The following GAL3ST4 variants were observed in gnomAD, a reference collection of about 807,000 sequenced individuals.
GAL3ST4 encodes the protein beta-galactose-3-O-sulfotransferase 4.
A neutral mutation model predicts 31.6 loss-of-function variants in GAL3ST4; 30 were observed. That is an observed-to-expected ratio of 0.95 (90% confidence interval 0.71 to 1.29). GAL3ST4 has a LOEUF of 1.29. GAL3ST4 is among the 50% of genes most tolerant of loss of function. The pLI, the probability that GAL3ST4 is intolerant of heterozygous loss-of-function variation, is 0.00. For synonymous variants in GAL3ST4, 248 were observed against 256.9 expected (o/e 0.97, Z 0.33); for missense variants, 629 against 625.2 (o/e 1.01, Z -0.06).
chr7:100,166,949 T>A, intron 2 of GAL3ST4, 22 bp downstream of exon 2: 1 of 1,590,004 alleles, frequency 6.3e-7, no homozygotes, highest in Non-Finnish European at 8.6e-7. Flanking sequence ...CTAGAAGGAG[T>A]TGGGGCAAAG....
chr7:100,168,269 C>G lies in GAL3ST4; in HGVS notation c.-189+277G>C, dbSNP rs1406223427. On this transcript the variant is annotated intron_variant, in intron 1 of 3. Transcript: ENST00000360039. This position sits in a 1 kb window ranked among gnomAD's most constrained non-coding sequence, Gnocchi z 4.1. ...TAACCCCAAGCAGAGAGAAGCCACA[C>G]TTTTACTCCCGGAGACCTGCCCTCT... The G allele has an allele frequency of 6.6e-6, 1 of 152,406 alleles. No individual in the cohort carries two copies. The highest frequency in any genetic ancestry group is 1.5e-5 in the Non-Finnish European group (1 of 68,206). 9.4% of individuals were successfully genotyped at this position (152,406 alleles called of 1,614,324 possible).
chr7:100,163,751 C>T (rs180696347), intron 3 of GAL3ST4, among the ~76,000 whole-genome samples: 98 of 151,996 alleles, frequency 6.4e-4, no homozygotes, highest in Middle Eastern at 3.4e-3. Flanking sequence ...CCCAGATTGG[C>T]GTTGAACTCC....
Position 100,160,893 on chromosome 7 carries a change from G to C in GAL3ST4, c.496C>G (p.Arg166Gly). 1 of 1,614,048 alleles carries C rather than the reference G, an allele frequency of 6.2e-7. No homozygotes were observed. The highest frequency in any genetic ancestry group is 8.5e-7 in the Non-Finnish European group (1 of 1,179,982). The change falls in exon 4 of 4, where the codon CGC becomes GGC. Residue 166 changes from arginine to glycine, a missense_variant. Coordinates refer to ENST00000360039, the MANE Select transcript of GAL3ST4 (RefSeq NM_024637.5). ...SIVRDPAALARSAFSYYKSTS... is the reference protein window; with the variant it reads ...SIVRDPAALAGSAFSYYKSTS... ...GATTTATAGTAGGAGAAGGCAGAGC[G>C]AGCCAGAGCCGCTGGGTCTCGGACA...
intron 3 of GAL3ST4, among the ~76,000 whole-genome samples, chr7:100,164,607 T>C (rs1799045861): frequency 1.3e-5 from 2 of 151,906 alleles, no homozygotes; most frequent in Admixed American, 1.3e-4. Flanking sequence ...TGCAGTGAGC[T>C]GAGATCGTGC....
rs1314584961 is a variant in GAL3ST4, at chr7:100,160,917, C to A, written c.472G>T (p.Val158Phe). ...CGAGCCAGAGCCGCTGGGTCTCGGACAATGGAAAAAAAGAAGCTGTCAGAA... is the reference window on the plus strand; with the variant it reads ...CGAGCCAGAGCCGCTGGGTCTCGGAAAATGGAAAAAAAGAAGCTGTCAGAA... ...MPSDSFFFSI[V>F]RDPAALARSA... The change falls in exon 4 of 4, where the codon GTC becomes TTC. Residue 158 changes from valine (V) to phenylalanine (F), a missense_variant. By Grantham distance (50) the Val-to-Phe change is conservative (BLOSUM62 -1). Transcript: ENST00000360039. 1.2e-6 allele frequency: 2 copies of A among 1,604,618 alleles called. No individual in the cohort carries two copies. Among genetic ancestry groups the A allele is most frequent in the Non-Finnish European group, 8.5e-7 (1 of 1,176,724 alleles).
chr7:100,164,932 T>G (rs1252547460), intron 3 of GAL3ST4, among the ~76,000 whole-genome samples: 2 of 151,068 alleles, frequency 1.3e-5, no homozygotes, highest in Admixed American at 1.3e-4. Flanking sequence ...TGGAGTGCAG[T>G]GGCACGATCT....
At position 100,167,282 on chromosome 7, in the gene GAL3ST4, G is replaced by T; in HGVS notation, c.-187C>A. ...TTAGCAGATTTTTGCCTCTGTCAGC[G>T]TCTAGAAGGGAAATGAGGGGGGAAG... On this transcript the variant is annotated splice_region_variant and 5_prime_UTR_variant, in exon 2 of 4. Coordinates refer to ENST00000360039, the MANE Select transcript of GAL3ST4 (RefSeq NM_024637.5). The T allele has an allele frequency of 7.2e-7, 1 of 1,394,976 alleles. No individual in the cohort carries two copies. The highest frequency in any genetic ancestry group is 9.5e-7 in the Non-Finnish European group (1 of 1,052,728). The allele number at this position is 1,394,976 out of a possible 1,614,324, so 86.4% of individuals were successfully genotyped here. A position where few individuals can be genotyped will look rare whatever the true frequency, so the allele number is the denominator to read the frequency against.
chr7:100,159,400 G>C lies in GAL3ST4; in HGVS notation c.*528C>G, dbSNP rs1348446971. ...ATCTTTTGCCCCTCTAGGGAGCTTC[G>C]GTGATGTGGATCTGCCTTGGGGCAG... On this transcript the variant is annotated 3_prime_UTR_variant, in exon 4 of 4. Coordinates refer to ENST00000360039, the MANE Select transcript of GAL3ST4 (RefSeq NM_024637.5). The C allele has an allele frequency of 6.5e-6, 1 of 154,212 alleles. No individual in the cohort carries two copies. The highest frequency in any genetic ancestry group is 1.9e-4 in the East Asian group (1 of 5,196). 9.6% of individuals were successfully genotyped at this position (154,212 alleles called of 1,614,324 possible). A position where few individuals can be genotyped will look rare whatever the true frequency, so the allele number is the denominator to read the frequency against.
chr7:100,165,357 G>T (rs1433789013), intron 3 of GAL3ST4, among the ~76,000 whole-genome samples: 2 of 152,124 alleles, frequency 1.3e-5, no homozygotes, highest in Non-Finnish European at 2.9e-5. Flanking sequence ...TTTTAGTAGA[G>T]ACAGGGTTTC....
chr7:100,167,110 G>A lies in GAL3ST4; in HGVS notation c.-15C>T, dbSNP rs573477479. On this transcript the variant is annotated 5_prime_UTR_variant, in exon 2 of 4. Coordinates refer to ENST00000360039, the MANE Select transcript of GAL3ST4 (RefSeq NM_024637.5). The stretch of plus-strand genomic sequence containing the variant: ...AGAGGGCCCATGTGGCACAGGGAAG[G>A]GTGAGGTGACAGAGAGATGGAGCCA... 9.1e-5 allele frequency: 141 copies of A among 1,553,076 alleles called. 1 individual carries two copies. Among genetic ancestry groups the A allele is most frequent in the Middle Eastern group, 1.7e-4 (1 of 5,968 alleles).
chr7:100,160,237 G>T lies in GAL3ST4; in HGVS notation c.1152C>A (p.Tyr384Ter). ...NRSLWARIEKYGQGRLQTAVA... is the reference protein window; with the variant it reads ...NRSLWARIEK The stretch of plus-strand genomic sequence containing the variant: ...CAGCTGTCTGCAGCCGGCCCTGGCC[G>T]TATTTCTCTATCCGTGCCCAGAGAC... Residue 384 changes from tyrosine to a stop codon, truncating the protein, a stop_gained, in exon 4 of 4, where the codon TAC becomes TAA. Transcript: ENST00000360039. LOFTEE classifies it high-confidence loss of function. 3 of 1,614,100 alleles carry T rather than the reference G, an allele frequency of 1.9e-6. No individual in the cohort carries two copies.
At chr7:100,164,282 C>A (rs1373332824) in intron 3 of GAL3ST4, among the ~76,000 whole-genome samples, 1 of 152,174 alleles carries the variant, frequency 6.6e-6, no homozygotes, top group Non-Finnish European at 1.5e-5. Context: ...CACACGTGCA[C>A]CCCACCATGT....
At chr7:100,163,353 C>A (rs1799031119) in intron 3 of GAL3ST4, among the ~76,000 whole-genome samples, 1 of 152,038 alleles carries the variant, frequency 6.6e-6, no homozygotes, top group Non-Finnish European at 1.5e-5. Context: ...AGCTCCTAGT[C>A]TCCTTGAAGG....
rs1458884843 is a variant in GAL3ST4 at position 100,167,050 on chromosome 7, G to A, written c.46C>T (p.Arg16Trp). The change falls in exon 2 of 4, where the codon CGG becomes TGG. Residue 16 changes from arginine to tryptophan, a missense_variant. Arg to Trp is a moderately radical substitution (Grantham distance 101, BLOSUM62 -3). Coordinates refer to ENST00000360039, the MANE Select transcript of GAL3ST4 (RefSeq NM_024637.5). Reference sequence around the variant, plus strand: ...ACTCCCAGAGCCACCCCCAGGCTCCGAGGTCCCCAGAGCCGCAGCGTCCTG... The same window carrying A: ...ACTCCCAGAGCCACCCCCAGGCTCCAAGGTCCCCAGAGCCGCAGCGTCCTG... ...PARTLRLWGP[R>W]SLGVALGVFM... The A allele has an allele frequency of 1.4e-5, 22 of 1,560,540 alleles. No homozygotes were observed. Among genetic ancestry groups the A allele is most frequent in the East Asian group, 4.7e-5 (2 of 42,296 alleles).
In GAL3ST4 at chr7:100,160,755, A is replaced by G; in HGVS notation, c.634T>C (p.Phe212Leu). 2 of 1,614,130 alleles carry G rather than the reference A, an allele frequency of 1.2e-6. No individual in the cohort carries two copies. The highest frequency in any genetic ancestry group is 1.7e-6 in the Non-Finnish European group (2 of 1,180,036). Reference protein sequence around the residue: ...GDHYARNLLWFDFGLPFPPEK... With the variant: ...GDHYARNLLWLDFGLPFPPEK... ...GGGGGAAAGGGCAGGCCAAAGTCAA[A>G]CCATAGTAAGTTGCGAGCGTAGTGG... Residue 212 changes from phenylalanine (F) to leucine (L), a missense_variant, in exon 4 of 4, where the codon TTT (phenylalanine) becomes CTT (leucine). Coordinates refer to ENST00000360039, the MANE Select transcript of GAL3ST4 (RefSeq NM_024637.5).
At chr7:100,166,458 G>T (rs534592675) in intron 3 of GAL3ST4, 44 bp downstream of exon 3, 2 of 1,562,080 alleles carry the variant, frequency 1.3e-6, no homozygotes, top group African/African-American at 2.7e-5. Flanking sequence ...GTCAGCCTGA[G>T]CCCATCTGTT....
Position 100,166,487 on chromosome 7 carries a change from T to C in GAL3ST4, c.429+15A>G, listed in dbSNP as rs766682755. The C allele has an allele frequency of 6.3e-7, 1 of 1,598,666 alleles. No individual in the cohort carries two copies. The highest frequency in any genetic ancestry group is 8.5e-7 in the Non-Finnish European group (1 of 1,170,098). ...ATCTGTTTCTGGTCCCTCCCACCAC[T>C]GCGACACTCCTTACCTCTTTCAGGT... On this transcript the variant is annotated intron_variant, in intron 3 of 3. Transcript: ENST00000360039.
chr7:100,167,955 C>G (rs911729431), intron 1 of GAL3ST4: 2 of 151,870 alleles, frequency 1.3e-5, no homozygotes, highest in Non-Finnish European at 2.9e-5. Context: ...TCAGTGCACC[C>G]GGAGGAGACT....
chr7:100,165,819 T>TCACACACA (rs61284255), intron 3 of GAL3ST4, among the ~76,000 whole-genome samples: 20,200 of 136,078 alleles, frequency 0.15, 1,817 homozygotes, highest in Middle Eastern at 0.21. Flanking sequence ...AGACCCTGTC[T>TCACACACA]CACACACACA....
Sources: allele counts gnomAD v4.1 joint callset (sites outside exome capture counted in the v4.1 genomes callset), GRCh38; gene constraint gnomAD v4.1.1; non-coding constraint Gnocchi (gnomAD v3.1); transcripts MANE v1.5; gene names NCBI Gene and HGNC (gene_info 2026-07-23, HGNC 2026-07-21).